The following SEMA5A variants were observed in gnomAD, a reference collection of about 807,000 sequenced individuals.
SEMA5A encodes semaphorin-5A.
In SEMA5A, 55 loss-of-function variants were observed where a neutral mutation model predicts 135.5. That is an observed-to-expected ratio of 0.41 (90% CI 0.33 to 0.51). The LOEUF (loss-of-function observed/expected upper bound fraction) is 0.51. Ranked by LOEUF, SEMA5A falls within the 20% of genes least tolerant of loss-of-function variation. The pLI, the probability that SEMA5A is intolerant of heterozygous loss-of-function variation, is 0.37. For missense variants in SEMA5A, 1,290 were observed against 1,419.9 expected, an observed-to-expected ratio of 0.91 and a Z score of 1.47; for synonymous variants, 580 against 546.5, an observed-to-expected ratio of 1.06 and a Z score of -0.85.
At chr5:9,043,088 G>A in intron 22 of SEMA5A, 72 bp from the exon 23 acceptor site, 1 of 1,333,000 alleles carries the variant, frequency 7.5e-7, no homozygotes, top group Non-Finnish European at 1.1e-6. Context: ...TAACAAGGAT[G>A]ACTATTATGT....
At chr5:9,063,599 G>A (rs923263840) in intron 17 of SEMA5A, among the ~76,000 whole-genome samples, 4 of 152,204 alleles carry the variant, frequency 2.6e-5, no homozygotes, top group East Asian at 1.9e-4. Context: ...TGGTAAAAGG[G>A]GCCAAGTCAA....
intron 1 of SEMA5A, among the ~76,000 whole-genome samples, chr5:9,486,991 A>G (rs1328721753): frequency 1.3e-5 from 2 of 148,470 alleles, no homozygotes; most frequent in Admixed American, 6.9e-5. Context: ...GCAAAAATTC[A>G]TAGTTTGCCA....
chr5:9,444,444 G>C (rs1355313291), intron 1 of SEMA5A, among the ~76,000 whole-genome samples: 2 of 152,106 alleles, frequency 1.3e-5, no homozygotes, highest in Non-Finnish European at 2.9e-5. Flanking sequence ...TACAATGTTT[G>C]GTTTTCCATT....
intron 11 of SEMA5A, among the ~76,000 whole-genome samples, chr5:9,187,200 A>T (rs964300695): frequency 3.3e-5 from 5 of 151,722 alleles, no homozygotes; most frequent in Non-Finnish European, 7.4e-5. Context: ...GGACATAAAG[A>T]CTGTATGTTA....
chr5:9,478,792 TTGAGTTAATACTGG>T (rs370228886), intron 1 of SEMA5A, among the ~76,000 whole-genome samples: 1,688 of 152,268 alleles, frequency 0.011, 28 homozygotes, highest in African/African-American at 0.038. Flanking sequence ...ACTTATACTT[TTGAGTTAATACTGG>T]AATGAGTTAA....
intron 8 of SEMA5A, among the ~76,000 whole-genome samples, chr5:9,213,340 G>T (rs142035971): frequency 6.6e-6 from 1 of 152,216 alleles, no homozygotes; most frequent in African/African-American, 2.4e-5. Flanking sequence ...AGAAAAAGAC[G>T]TTAAGTCCTG....
At chr5:9,258,750 T>C (rs2150508340) in intron 5 of SEMA5A, among the ~76,000 whole-genome samples, 1 of 152,032 alleles carries the variant, frequency 6.6e-6, no homozygotes, top group South Asian at 2.1e-4. Context: ...AAGCCTGTGA[T>C]ATTGTTAACT....
At chr5:9,395,580 T>C (rs1380605916) in intron 2 of SEMA5A, among the ~76,000 whole-genome samples, 1 of 152,254 alleles carries the variant, frequency 6.6e-6, no homozygotes, top group African/African-American at 2.4e-5. Context: ...AGCTTTCTGC[T>C]TATACCAAGA....
At chr5:9,222,427 T>G (rs1747056736) in intron 8 of SEMA5A, among the ~76,000 whole-genome samples, 1 of 152,106 alleles carries the variant, frequency 6.6e-6, no homozygotes, top group African/African-American at 2.4e-5. Context: ...GCAGGGCTCT[T>G]GGTTTTCTAT....
chr5:9,371,327 C>T (rs1203983839), intron 3 of SEMA5A, among the ~76,000 whole-genome samples: 1 of 152,032 alleles, frequency 6.6e-6, no homozygotes, highest in Admixed American at 6.6e-5. Context: ...TATAAAAATG[C>T]ACAACAGGGA....
chr5:9,321,331 C>G (rs1479144280), intron 4 of SEMA5A, among the ~76,000 whole-genome samples: 2 of 152,076 alleles, frequency 1.3e-5, no homozygotes, highest in Admixed American at 1.3e-4. Context: ...ATAGCGGCAC[C>G]AGGGAAATTA....
chr5:9,495,225 A>G (rs1735239596), intron 1 of SEMA5A, among the ~76,000 whole-genome samples: 1 of 152,224 alleles, frequency 6.6e-6, no homozygotes, highest in African/African-American at 2.4e-5. Flanking sequence ...TTACCCAGGC[A>G]GTGATTAAAC....
At chr5:9,068,712 T>C (rs1201798919) in intron 16 of SEMA5A, among the ~76,000 whole-genome samples, 3 of 152,150 alleles carry the variant, frequency 2.0e-5, no homozygotes, top group Admixed American at 1.3e-4. Context: ...AATGGGGCTG[T>C]GGATTCCTAA....
At chr5:9,195,294 T>G (rs1335872028) in intron 10 of SEMA5A, among the ~76,000 whole-genome samples, 1 of 152,140 alleles carries the variant, frequency 6.6e-6, no homozygotes, top group African/African-American at 2.4e-5. Context: ...GACTCCCAAA[T>G]AGCTAGGACT....
chr5:9,110,774 T>C (rs1379574521), intron 15 of SEMA5A, among the ~76,000 whole-genome samples: 1 of 152,184 alleles, frequency 6.6e-6, no homozygotes, highest in African/African-American at 2.4e-5. Flanking sequence ...CTCTTCCTCA[T>C]CTTTTCCACA....
chr5:9,090,875 T>G (rs1295828255), intron 16 of SEMA5A, among the ~76,000 whole-genome samples: 1 of 152,228 alleles, frequency 6.6e-6, no homozygotes, highest in Admixed American at 6.5e-5. Context: ...TACGAGAGCA[T>G]GATTTATAAT....
At chr5:9,430,301 C>T (rs536504740) in intron 2 of SEMA5A, among the ~76,000 whole-genome samples, 4 of 152,080 alleles carry the variant, frequency 2.6e-5, no homozygotes, top group Non-Finnish European at 5.9e-5. Flanking sequence ...AATTTGAAGA[C>T]ATAAATTAGA....
intron 5 of SEMA5A, among the ~76,000 whole-genome samples, chr5:9,251,705 T>G (rs1351937942): frequency 6.6e-6 from 1 of 152,132 alleles, no homozygotes; most frequent in Non-Finnish European, 1.5e-5. Context: ...AATCCTGGAA[T>G]CAGACAATGT....
intron 1 of SEMA5A, among the ~76,000 whole-genome samples, chr5:9,529,451 C>T (rs1304012786): frequency 6.6e-6 from 1 of 152,270 alleles, no homozygotes; most frequent in African/African-American, 2.4e-5. Flanking sequence ...CTCCCAGTAG[C>T]TTCCGGGTAT....
Sources: allele counts gnomAD v4.1 joint callset (sites outside exome capture counted in the v4.1 genomes callset), GRCh38; gene constraint gnomAD v4.1.1; transcripts MANE v1.5; gene names NCBI Gene and HGNC (gene_info 2026-07-23, HGNC 2026-07-21).